SMIM8: variants seen among roughly 807,000 people sequenced by gnomAD.
SMIM8 encodes small integral membrane protein 8.
A neutral mutation model predicts 8.1 loss-of-function variants in SMIM8; 8 were observed. The observed-to-expected ratio is 0.99, with a 90% CI of 0.58 to 1.78. SMIM8 has a LOEUF of 1.78. Among genes scored for constraint, SMIM8 ranks in the 40% most tolerant of loss-of-function variants. SMIM8 has a pLI of 0.00. For synonymous variants in SMIM8, 45 were observed against 39.7 expected (o/e 1.13, Z -0.50); for missense variants, 126 against 119.8 (o/e 1.05, Z -0.24).
chr6:87,326,656 T>C (rs1421742460), intron 1 of SMIM8, among the ~76,000 whole-genome samples: 2 of 139,780 alleles, frequency 1.4e-5, no homozygotes, highest in East Asian at 2.0e-4. Context: ...TTCTGTTCTT[T>C]TACATTTGCT....
In SMIM8 at chr6:87,325,628, G is replaced by C. The variant is rs374804141; in HGVS notation, c.-45+2996G>C. Among the ~76,000 whole-genome samples the C allele has an allele frequency of 6.6e-5, 10 of 151,258 alleles. No homozygotes were observed. In the East Asian group the frequency reaches 1.9e-3, roughly 29 times the overall value. The stretch of plus-strand genomic sequence containing the variant: ...CCAGGGATGAAGCCCACTTGATCAT[G>C]GTGGATAAGCTTTTTGATGTGCTGC... On this transcript the variant is annotated intron_variant, in intron 1 of 3. Coordinates refer to ENST00000392863, the MANE Select transcript of SMIM8 (RefSeq NM_001042493.3).
chr6:87,330,096 A>G (rs1319951363), intron 1 of SMIM8, among the ~76,000 whole-genome samples: 1 of 152,202 alleles, frequency 6.6e-6, no homozygotes. Context: ...CTCTGATTCT[A>G]TCCCAAACTT....
chr6:87,339,462 G>T (rs1227619607), intron 3 of SMIM8, among the ~76,000 whole-genome samples: 1 of 139,752 alleles, frequency 7.2e-6, no homozygotes, highest in African/African-American at 2.7e-5. Context: ...GTGTGTGTGT[G>T]TTTTAACCTG....
At position 87,325,884 on chromosome 6, in the gene SMIM8, G is replaced by T. The variant is rs9450656; in HGVS notation, c.-45+3252G>T. 6.2e-3 allele frequency among the ~76,000 whole-genome samples: 937 copies of T among 152,242 alleles called. 8 individuals are homozygous for T. Among genetic ancestry groups the T allele is most frequent in the African/African-American group, 0.018 (747 of 41,510 alleles). ...ACCTCTGTTAGAATTCGGCTGTGAA[G>T]CCATCTGCTCCTGGACTCTTTTTGG... On this transcript the variant is annotated intron_variant, in intron 1 of 3. Transcript: ENST00000392863.
chr6:87,338,179 G>T (rs150692623), intron 3 of SMIM8, among the ~76,000 whole-genome samples: 49 of 152,248 alleles, frequency 3.2e-4, no homozygotes, highest in Non-Finnish European at 6.8e-4. Flanking sequence ...AATTTAAACT[G>T]CTCTGAGTCT....
intron 1 of SMIM8, among the ~76,000 whole-genome samples, chr6:87,324,702 G>A (rs1323052436): frequency 6.6e-6 from 1 of 151,784 alleles, no homozygotes; most frequent in East Asian, 1.9e-4. Flanking sequence ...GTCAGGTAGT[G>A]TGATACCTCC....
Position 87,339,325 on chromosome 6 carries a change from CGTGTGTGTGTGTGTGT to C in SMIM8, c.136-759_136-744del, listed in dbSNP as rs59321615. On this transcript the variant is annotated intron_variant, in intron 3 of 3. Transcript: ENST00000392863. ...TCTTAACAACAACAACAAAACACAG[CGTGTGTGTGTGTGTGT>C]GTGTGTGTGTGTGTGTGTGTGTGTG... Among the ~76,000 whole-genome samples, 56 of 124,176 alleles carry C rather than the reference CGTGTGTGTGTGTGTGT, an allele frequency of 4.5e-4. 1 individual carries two copies. Among genetic ancestry groups the C allele is most frequent in the African/African-American group, 1.5e-3 (49 of 31,980 alleles). The allele number at this position is 124,176 out of a possible 152,430, so 81.5% of individuals were successfully genotyped here.
intron 2 of SMIM8, among the ~76,000 whole-genome samples, chr6:87,334,563 C>T (rs1777063320): frequency 6.6e-6 from 1 of 152,116 alleles, no homozygotes; most frequent in Admixed American, 6.5e-5. Context: ...CTCTTCCTCC[C>T]AAAATAGTGG....
intron 1 of SMIM8, chr6:87,329,162 T>A (rs1776928441): frequency 6.4e-6 from 1 of 156,164 alleles, no homozygotes; most frequent in African/African-American, 2.4e-5. Flanking sequence ...TGGCACTCCC[T>A]AGTGAGATGA....
At chr6:87,331,981 G>A (rs9344705) in intron 2 of SMIM8, among the ~76,000 whole-genome samples, 16,232 of 152,032 alleles carry the variant, frequency 0.11, 906 homozygotes, top group East Asian at 0.13. Flanking sequence ...GTCATTTCTA[G>A]CAGAGTTTAA....
intron 2 of SMIM8, among the ~76,000 whole-genome samples, chr6:87,333,467 A>G (rs1777036829): frequency 6.6e-6 from 1 of 152,218 alleles, no homozygotes; most frequent in Non-Finnish European, 1.5e-5. Context: ...CACCTGTTAT[A>G]GGCACCTGGT....
rs1280700262 is a variant in SMIM8, at chr6:87,336,443, A to G, written c.-23-566A>G. Among the ~76,000 whole-genome samples the G allele has an allele frequency of 3.3e-5, 5 of 152,338 alleles. No homozygotes were observed. In the East Asian group the frequency reaches 5.8e-4, roughly 18 times the overall value. Reference sequence around the variant, plus strand: ...CTACCCAGAAAGTTGCTGATTGGCAATGGAAGAGTAAGTACAAACAGCTCC... The same window carrying G: ...CTACCCAGAAAGTTGCTGATTGGCAGTGGAAGAGTAAGTACAAACAGCTCC... On this transcript the variant is annotated intron_variant, in intron 2 of 3. Coordinates refer to ENST00000392863, the MANE Select transcript of SMIM8 (RefSeq NM_001042493.3).
At chr6:87,339,442 G>GTT (rs1482350071) in intron 3 of SMIM8, among the ~76,000 whole-genome samples, 6 of 59,372 alleles carry the variant, frequency 1.0e-4, no homozygotes, top group Non-Finnish European at 1.6e-4. Context: ...GTGTTTGTGT[G>GTT]TGTGTGTGTG....
At chr6:87,325,216 G>A (rs1269170573) in intron 1 of SMIM8, among the ~76,000 whole-genome samples, 1 of 151,430 alleles carries the variant, frequency 6.6e-6, no homozygotes, top group East Asian at 1.9e-4. Context: ...CTGCAAACAC[G>A]GACAATTTGA....
At position 87,328,607 on chromosome 6, in the gene SMIM8, G is replaced by A. The variant is rs549060905; in HGVS notation, c.-44-2085G>A. 5.3e-5 allele frequency among the ~76,000 whole-genome samples: 8 copies of A among 152,318 alleles called. No homozygotes were observed. The East Asian group carries it at 1.4e-3, about 26-fold the overall frequency. ...ACCCACTTGAGGAGGCAGTCTGCCT[G>A]TTCTCAGATCTCCAGCTGCGTGCTG... On this transcript the variant is annotated intron_variant, in intron 1 of 3. Transcript: ENST00000392863.
At chr6:87,339,325 C>CGCGTGT (rs1227198338) in intron 3 of SMIM8, among the ~76,000 whole-genome samples, 24 of 124,180 alleles carry the variant, frequency 1.9e-4, no homozygotes, top group Non-Finnish European at 3.5e-4. Context: ...CAAAACACAG[C>CGCGTGT]GTGTGTGTGT....
intron 1 of SMIM8, among the ~76,000 whole-genome samples, chr6:87,327,981 C>T (rs1279202259): frequency 2.6e-5 from 4 of 151,418 alleles, no homozygotes; most frequent in Non-Finnish European, 4.4e-5. Context: ...TCTAAACTTC[C>T]CTTCTCGCTT....
intron 2 of SMIM8, among the ~76,000 whole-genome samples, chr6:87,336,384 G>A (rs1359953411): frequency 6.6e-6 from 1 of 152,178 alleles, no homozygotes; most frequent in Non-Finnish European, 1.5e-5. Context: ...AGATAAAAAA[G>A]GATATTCAGA....
chr6:87,327,071 C>G (rs1776841082), intron 1 of SMIM8, among the ~76,000 whole-genome samples: 1 of 150,902 alleles, frequency 6.6e-6, no homozygotes, highest in South Asian at 2.1e-4. Context: ...TCTGTTTTAT[C>G]AGAGACTAGG....
Sources: allele counts gnomAD v4.1 joint callset (sites outside exome capture counted in the v4.1 genomes callset), GRCh38; gene constraint gnomAD v4.1.1; transcripts MANE v1.5; gene names NCBI Gene and HGNC (gene_info 2026-07-23, HGNC 2026-07-21).